The following KMT2C variants were observed in gnomAD, a reference collection of about 807,000 sequenced individuals.
KMT2C encodes histone-lysine N-methyltransferase 2C.
A neutral mutation model predicts 507.9 loss-of-function variants in KMT2C; 88 were observed. The observed-to-expected ratio is 0.17, with a 90% CI of 0.15 to 0.21. The LOEUF (loss-of-function observed/expected upper bound fraction) is 0.21. KMT2C is among the 10% of genes least tolerant of loss of function. The pLI is 1.00. For synonymous variants in KMT2C, 2,049 were observed against 2,080.8 expected, an observed-to-expected ratio of 0.98 and a Z score of 0.42; for missense variants, 4,954 against 5,957.8, an observed-to-expected ratio of 0.83 and a Z score of 5.55.
chr7:152,204,671 G>A (rs2094250160), intron 25 of KMT2C, among the ~76,000 whole-genome samples: 1 of 151,890 alleles, frequency 6.6e-6, no homozygotes, highest in Admixed American at 6.6e-5. Context: ...AAAAACTGAG[G>A]TGCACTGTCA....
chr7:152,348,429 T>C (rs923762137), intron 2 of KMT2C, among the ~76,000 whole-genome samples: 2 of 151,096 alleles, frequency 1.3e-5, no homozygotes, highest in Admixed American at 6.6e-5. Flanking sequence ...AAACCCCGTA[T>C]CTTCTAAAAA....
chr7:152,187,622 A>C, intron 32 of KMT2C, 93 bp downstream of exon 32: 1 of 1,475,758 alleles, frequency 6.8e-7, no homozygotes, highest in Non-Finnish European at 9.2e-7. Flanking sequence ...ACATACAATA[A>C]TATCATACAC....
chr7:152,187,148 G>T, intron 33 of KMT2C, 114 bp downstream of exon 33: 1 of 745,740 alleles, frequency 1.3e-6, no homozygotes, highest in Non-Finnish European at 2.3e-6. Flanking sequence ...TTCATGTTGT[G>T]GGTCATCATA....
intron 1 of KMT2C, among the ~76,000 whole-genome samples, chr7:152,379,320 C>T (rs948987933): frequency 4.6e-5 from 7 of 151,998 alleles, no homozygotes; most frequent in African/African-American, 1.7e-4. Context: ...GCAGGCAGAA[C>T]ACAGGTCTGG....
At chr7:152,267,929 C>T (rs2095885283) in intron 7 of KMT2C, among the ~76,000 whole-genome samples, 1 of 152,098 alleles carries the variant, frequency 6.6e-6, no homozygotes, top group Non-Finnish European at 1.5e-5. Flanking sequence ...TGTGCTTTTA[C>T]ACATTCTGTT....
At chr7:152,318,837 T>A (rs115435857) in intron 3 of KMT2C, among the ~76,000 whole-genome samples, 3,221 of 152,164 alleles carry the variant, frequency 0.021, 114 homozygotes, top group African/African-American at 0.073. Context: ...ATGAAAAAGA[T>A]GTTACACACT....
Position 152,176,316 on chromosome 7 carries a change from A to C in KMT2C, c.9137T>G (p.Leu3046Arg), listed in dbSNP as rs1003155450. 6.2e-7 allele frequency: 1 copy of C among 1,614,030 alleles called. No homozygotes were observed. The highest frequency in any genetic ancestry group is 1.3e-5 in the African/African-American group (1 of 74,916). The part of the protein sequence containing the change: ...TLAQQNRERP[L>R]LLEEQPLLLQ... Reference sequence around the variant, plus strand: ...AAGTAGAGGCTGTTCTTCTAGAAGAAGGGGCCTCTCTCTATTCTGCTGTGC... The same window carrying C: ...AAGTAGAGGCTGTTCTTCTAGAAGACGGGGCCTCTCTCTATTCTGCTGTGC... Residue 3046 changes from leucine to arginine, a missense_variant, in exon 38 of 59, where the codon CTT becomes CGT. By Grantham distance (102) the Leu-to-Arg change is moderately radical. Transcript: ENST00000262189.
intron 54 of KMT2C, 121 bp from the exon 55 acceptor site, chr7:152,145,002 C>T: frequency 1.5e-6 from 2 of 1,369,590 alleles, no homozygotes; most frequent in Non-Finnish European, 2.0e-6. Flanking sequence ...GGAAAGCTGC[C>T]TAGCAGAGAC....
chr7:152,364,617 A>AAAAAAAG (rs56810754), intron 1 of KMT2C, among the ~76,000 whole-genome samples: 1 of 149,918 alleles, frequency 6.7e-6, no homozygotes. Flanking sequence ...TCCAAAAAAA[A>AAAAAAAG]AAAGAAAAGA....
At chr7:152,155,793 T>C (rs1025351103) in intron 46 of KMT2C, 117 bp downstream of exon 46, 5 of 950,854 alleles carry the variant, frequency 5.3e-6, no homozygotes, top group Non-Finnish European at 7.7e-6. Context: ...TTCACCAAAT[T>C]GTACTCTTCA....
chr7:152,329,322 A>G (rs1030187734), intron 3 of KMT2C, among the ~76,000 whole-genome samples: 1 of 152,082 alleles, frequency 6.6e-6, no homozygotes, highest in East Asian at 1.9e-4. Flanking sequence ...TCCACCACTT[A>G]GGGAGGCTGA....
intron 39 of KMT2C, among the ~76,000 whole-genome samples, chr7:152,173,187 T>C (rs552999554): frequency 9.4e-4 from 143 of 152,310 alleles, no homozygotes; most frequent in Non-Finnish European, 1.9e-3. Flanking sequence ...ATCTCAACAA[T>C]TGAAAAGAAT....
chr7:152,349,872 T>C (rs1019326592), intron 2 of KMT2C, among the ~76,000 whole-genome samples: 2 of 152,156 alleles, frequency 1.3e-5, no homozygotes, highest in African/African-American at 4.8e-5. Flanking sequence ...AAAAAGGCTA[T>C]GCACGTGTCG....
intron 6 of KMT2C, among the ~76,000 whole-genome samples, chr7:152,299,786 T>C (rs2096550481): frequency 6.6e-6 from 1 of 151,810 alleles, no homozygotes; most frequent in Non-Finnish European, 1.5e-5. Context: ...CCATATACAT[T>C]TAATGTGATT....
chr7:152,345,352 G>C (rs1474052193), intron 2 of KMT2C, among the ~76,000 whole-genome samples: 1 of 152,140 alleles, frequency 6.6e-6, no homozygotes, highest in African/African-American at 2.4e-5. Flanking sequence ...TGAGGTGCGA[G>C]GATGGCTTGA....
In KMT2C at chr7:152,163,332, G is replaced by A. The variant is rs2092557694; in HGVS notation, c.10245C>T (p.Leu3415=). 1 of 1,614,198 alleles carries A rather than the reference G, an allele frequency of 6.2e-7. No homozygotes were observed. Among genetic ancestry groups the A allele is most frequent in the Middle Eastern group, 1.6e-4 (1 of 6,062 alleles). ...REQQERQRIQ[L]MQEVDRQRAL... is the part of the protein sequence containing the mutation. ...CTCTTTGTCTATCTACCTCCTGCAT[G>A]AGTTGGATCCGTTGTCTCTCTTGCT... Residue 3415 remains leucine (L), a synonymous_variant, in exon 43 of 59, where the codon CTC becomes CTT. Coordinates refer to ENST00000262189, the MANE Select transcript of KMT2C (RefSeq NM_170606.3).
chr7:152,235,297 T>G (rs540966320), intron 16 of KMT2C, among the ~76,000 whole-genome samples: 1 of 151,884 alleles, frequency 6.6e-6, no homozygotes, highest in African/African-American at 2.4e-5. Flanking sequence ...GTTTTAAAAT[T>G]TTTCTTTTTG....
At chr7:152,358,837 C>G (rs574088517) in intron 1 of KMT2C, among the ~76,000 whole-genome samples, 162 bp from the exon 2 acceptor site, 1 of 152,284 alleles carries the variant, frequency 6.6e-6, no homozygotes, top group Admixed American at 6.5e-5. Flanking sequence ...TCAGAGTTTA[C>G]AGTCATTTTC....
intron 2 of KMT2C, among the ~76,000 whole-genome samples, chr7:152,340,010 C>T (rs2096975973): frequency 2.0e-5 from 3 of 151,960 alleles, no homozygotes; most frequent in Middle Eastern, 3.4e-3. Context: ...AAGAGATGGG[C>T]TCATGCTCTG....
Sources: allele counts gnomAD v4.1 joint callset (sites outside exome capture counted in the v4.1 genomes callset), GRCh38; gene constraint gnomAD v4.1.1; transcripts MANE v1.5; gene names NCBI Gene and HGNC (gene_info 2026-07-23, HGNC 2026-07-21).